The following ZAP70 variants were observed in gnomAD, a reference collection of about 807,000 sequenced individuals.
ZAP70 encodes zeta chain of T cell receptor associated protein kinase 70.
ZAP70 carries 27 observed loss-of-function variants against 65.8 expected under a neutral mutation model. The ratio of observed to expected loss-of-function variants is 0.41; its 90% CI spans 0.30 to 0.57. The LOEUF is 0.57. Among genes scored for constraint, ZAP70 ranks in the 20% least tolerant of loss-of-function variants. The probability of loss-of-function intolerance (pLI) is 0.28; values close to 1 mark genes in which losing one functional copy is unlikely to be tolerated. For missense variants in ZAP70, 696 were observed against 870.5 expected (o/e 0.80, Z 2.52); for synonymous variants, 363 against 360.8 (o/e 1.01, Z -0.07).
At chr2:97,726,361 A>C (rs1677389213) in intron 4 of ZAP70, among the ~76,000 whole-genome samples, 1 of 152,234 alleles carries the variant, frequency 6.6e-6, no homozygotes, top group Non-Finnish European at 1.5e-5. Context: ...GAGGTCACTC[A>C]GGCCTCAAGA....
Position 97,739,635 on chromosome 2 carries a change from C to T in ZAP70, c.*137C>T. 1 of 1,353,884 alleles carries T rather than the reference C, an allele frequency of 7.4e-7. No individual in the cohort carries two copies. The highest frequency in any genetic ancestry group is 1.0e-6 in the Non-Finnish European group (1 of 1,000,480). 83.9% of individuals were successfully genotyped at this position (1,353,884 alleles called of 1,614,324 possible). A position where few individuals can be genotyped will look rare whatever the true frequency, so the allele number is the denominator to read the frequency against. ...CTGTGGTAGGGGGTGTCTCAGGCCA[C>T]ACCGGCCTTGCATTGCCTGCCTGGC... On this transcript the variant is annotated 3_prime_UTR_variant, in exon 14 of 14. Transcript: ENST00000264972.
rs370991525 is a variant in ZAP70, at chr2:97,717,368, G to A, written c.-22+3374G>A. ...GGGGACATGCGGAGCCTCTGGCTGG[G>A]GAGACATGCGGAGCCTCTGGCTGGG... On this transcript the variant is annotated intron_variant, in intron 2 of 13. Coordinates refer to ENST00000264972, the MANE Select transcript of ZAP70 (RefSeq NM_001079.4). 4.8e-3 allele frequency among the ~76,000 whole-genome samples: 685 copies of A among 141,966 alleles called. 4 individuals are homozygous for A. Among genetic ancestry groups the A allele is most frequent in the South Asian group, 0.015 (66 of 4,512 alleles). 93.1% of individuals were successfully genotyped at this position (141,966 alleles called of 152,430 possible).
At chr2:97,735,529 C>A in intron 10 of ZAP70, 73 bp downstream of exon 10, 1 of 1,518,092 alleles carries the variant, frequency 6.6e-7, no homozygotes, top group Non-Finnish European at 8.9e-7. Flanking sequence ...GACATGCACC[C>A]GCGTGCATGC....
intron 4 of ZAP70, among the ~76,000 whole-genome samples, chr2:97,729,594 G>C (rs1677521576): frequency 6.6e-6 from 1 of 152,198 alleles, no homozygotes; most frequent in Admixed American, 6.5e-5. Context: ...GTGAACCAGA[G>C]ACAGATGTAG....
chr2:97,737,766 G>A lies in ZAP70; in HGVS notation c.1492G>A (p.Ala498Thr). The A allele has an allele frequency of 1.9e-6, 3 of 1,614,148 alleles. No individual in the cohort carries two copies. Among genetic ancestry groups the A allele is most frequent in the Non-Finnish European group, 2.5e-6 (3 of 1,180,000 alleles). Residue 498 changes from alanine to threonine, a missense_variant, in exon 12 of 14, where the codon GCA becomes ACA. Transcript: ENST00000264972. This position sits in a 1 kb window ranked among gnomAD's most constrained non-coding sequence, Gnocchi z 5.0. ...ATCTCCCCCTCCCCAGGCCCGCTCA[G>A]CAGGGAAGTGGCCGCTCAAGTGGTA... ...ADDSYYTARS[A>T]GKWPLKWYAP...
At position 97,733,074 on chromosome 2, in the gene ZAP70, C is replaced by T. The variant is rs371606243; in HGVS notation, c.703-51C>T. Reference sequence around the variant, plus strand: ...GAGATGCCGTGCTCAGATGGGGTGCCGGGCTCTGGGGAGGAGAGGAGCCTC... The same window carrying T: ...GAGATGCCGTGCTCAGATGGGGTGCTGGGCTCTGGGGAGGAGAGGAGCCTC... On this transcript the variant is annotated intron_variant, in intron 5 of 13. Transcript: ENST00000264972. 5.6e-5 allele frequency: 90 copies of T among 1,613,816 alleles called. No individual in the cohort carries two copies. In the South Asian group the frequency reaches 5.7e-4, roughly 10 times the overall value.
At position 97,739,816 on chromosome 2, in the gene ZAP70, G is replaced by A; in HGVS notation, c.*318G>A. ...TGACATTGGAGCCTGGGCATCCTCAGGTGGTCAGGCGTAGATCACCAGAAT... is the reference window on the plus strand; with the variant it reads ...TGACATTGGAGCCTGGGCATCCTCAAGTGGTCAGGCGTAGATCACCAGAAT... On this transcript the variant is annotated 3_prime_UTR_variant, in exon 14 of 14. Transcript: ENST00000264972. 2 of 435,826 alleles carry A rather than the reference G, an allele frequency of 4.6e-6. No homozygotes were observed. The highest frequency in any genetic ancestry group is 8.4e-6 in the Non-Finnish European group (2 of 237,362). 27.0% of individuals were successfully genotyped at this position (435,826 alleles called of 1,614,324 possible). A position where few individuals can be genotyped will look rare whatever the true frequency, so the allele number is the denominator to read the frequency against.
rs1286979930 is a variant in ZAP70, at chr2:97,731,373, G to T, written c.564-1510G>T. 6.6e-6 allele frequency among the ~76,000 whole-genome samples: 1 copy of T among 152,062 alleles called. No homozygotes were observed. The highest frequency in any genetic ancestry group is 1.5e-5 in the Non-Finnish European group (1 of 68,002). ...GGAGATGTTGACTGGTGTCACTGCG[G>T]GGTTTCACGTGACGGCGCTGCATCT... On this transcript the variant is annotated intron_variant, in intron 4 of 13. Transcript: ENST00000264972. This position sits in a 1 kb window ranked among gnomAD's most constrained non-coding sequence, Gnocchi z 4.0.
downstream of ZAP70, among the ~76,000 whole-genome samples, chr2:97,743,654 C>T (rs1265682886): frequency 6.6e-6 from 1 of 152,202 alleles, no homozygotes; most frequent in Non-Finnish European, 1.5e-5. Flanking sequence ...TTGTTTATGG[C>T]TGTTATTCCC....
intron 4 of ZAP70, among the ~76,000 whole-genome samples, chr2:97,732,165 G>A (rs1677637552): frequency 6.6e-6 from 1 of 152,174 alleles, no homozygotes; most frequent in Non-Finnish European, 1.5e-5. Flanking sequence ...CATAGACATG[G>A]AAGATTTATA....
intron 4 of ZAP70, among the ~76,000 whole-genome samples, chr2:97,727,535 C>T (rs543829708): frequency 1.3e-5 from 2 of 152,312 alleles, no homozygotes; most frequent in Admixed American, 1.3e-4. Flanking sequence ...TTCTCACATG[C>T]TCATATCCCC....
intron 9 of ZAP70, 39 bp from the exon 10 acceptor site, chr2:97,735,211 G>A: frequency 6.2e-7 from 1 of 1,611,484 alleles, no homozygotes; most frequent in Non-Finnish European, 8.5e-7. Context: ...CAGGGCCGGT[G>A]CCCCTCGCCC....
Position 97,733,038 on chromosome 2 carries a change from A to C in ZAP70, c.702+17A>C, listed in dbSNP as rs778857105. ...CTCTGGCAGGTAGGCTGCCCGTGCA[A>C]CTTGTTCTGGGAGATGCCGTGCTCA... On this transcript the variant is annotated intron_variant, in intron 5 of 13. Coordinates refer to ENST00000264972, the MANE Select transcript of ZAP70 (RefSeq NM_001079.4). 1.6e-5 allele frequency: 26 copies of C among 1,613,914 alleles called. No homozygotes were observed. The Middle Eastern group carries it at 3.0e-3, about 184-fold the overall frequency.
In ZAP70 at chr2:97,733,110, G is replaced by A; in HGVS notation, c.703-15G>A. ...GAGGAGAGGAGCCTCTCTGCTAGCT[G>A]CCTGCTCCCTGCAGCTGGTGGAGTA... is the stretch of plus-strand genomic sequence containing the variant. On this transcript the variant is annotated splice_polypyrimidine_tract_variant and intron_variant, in intron 5 of 13. Transcript: ENST00000264972. The A allele has an allele frequency of 1.2e-6, 2 of 1,614,020 alleles. No individual in the cohort carries two copies. The highest frequency in any genetic ancestry group is 1.7e-6 in the Non-Finnish European group (2 of 1,180,018).
chr2:97,716,258 G>A (rs545490631), intron 2 of ZAP70, among the ~76,000 whole-genome samples: 1 of 152,310 alleles, frequency 6.6e-6, no homozygotes, highest in South Asian at 2.1e-4. Flanking sequence ...CTTCCCAGGT[G>A]TCAGGTTCCA....
downstream of ZAP70, among the ~76,000 whole-genome samples, chr2:97,741,471 C>G (rs927075931): frequency 2.0e-5 from 3 of 146,686 alleles, 1 homozygote; most frequent in South Asian, 6.3e-4. Context: ...TCCCCGTCCC[C>G]TCCCGGGTGA....
downstream of ZAP70, among the ~76,000 whole-genome samples, chr2:97,740,759 C>T (rs1678109167): frequency 1.3e-5 from 2 of 152,196 alleles, no homozygotes; most frequent in African/African-American, 4.8e-5. Context: ...CACCTCTGCA[C>T]GTCTCCTTTT....
chr2:97,743,848 T>G (rs1314227354), downstream of ZAP70, among the ~76,000 whole-genome samples: 2 of 152,212 alleles, frequency 1.3e-5, no homozygotes, highest in Non-Finnish European at 2.9e-5. Flanking sequence ...AAGGGCTGTA[T>G]ATGAGAGCCT....
chr2:97,747,159 A>G, the ZAP70 span, among the ~76,000 whole-genome samples: 2 of 152,356 alleles, frequency 1.3e-5, no homozygotes, highest in South Asian at 4.1e-4. Context: ...GCAGTTCTTT[A>G]AAAATTTAAA....
Sources: gnomAD v4.1 joint callset for allele counts (sites outside exome capture counted in the v4.1 genomes callset) on GRCh38, gnomAD v4.1.1 for gene constraint, Gnocchi (gnomAD v3.1) non-coding constraint, MANE v1.5 for transcripts, NCBI Gene and HGNC (gene_info 2026-07-23, HGNC 2026-07-21) for gene names.